The following WDR20 variants were observed in gnomAD, a reference collection of about 807,000 sequenced individuals.
WDR20 encodes WD repeat domain 20.
In WDR20, 3 loss-of-function variants were observed where a neutral mutation model predicts 38.7. That is an observed-to-expected ratio of 0.08 (90% CI 0.04 to 0.20). The LOEUF (loss-of-function observed/expected upper bound fraction) is 0.20. Ranked by LOEUF, WDR20 falls within the 10% of genes least tolerant of loss-of-function variation. The pLI, the probability that WDR20 is intolerant of heterozygous loss-of-function variation, is 1.00. For missense variants in WDR20, 559 were observed against 727.7 expected, an observed-to-expected ratio of 0.77 and a Z score of 2.67; for synonymous variants, 298 against 285.6, an observed-to-expected ratio of 1.04 and a Z score of -0.44.
downstream of WDR20, chr14:102,213,543 T>A: frequency 2.0e-6 from 2 of 985,398 alleles, no homozygotes; most frequent in Non-Finnish European, 2.4e-6. Flanking sequence ...CGTTCAGGAA[T>A]TCTGAGGAAG....
Position 102,209,461 on chromosome 14 carries a change from C to G in WDR20, c.1291C>G (p.Arg431Gly). ...GAACTCTGTGCCGCCTCCTCTGCCACGGTCCAACAGCCTTCCACATTCAGC... is the reference window on the plus strand; with the variant it reads ...GAACTCTGTGCCGCCTCCTCTGCCAGGGTCCAACAGCCTTCCACATTCAGC... ...PGNSVPPPLPRSNSLPHSAVS... is the reference protein window; with the variant it reads ...PGNSVPPPLPGSNSLPHSAVS... Residue 431 changes from arginine to glycine, a missense_variant, in exon 3 of 3, where the codon CGG becomes GGG. Coordinates refer to ENST00000342702, the MANE Select transcript of WDR20 (RefSeq NM_144574.4). The surrounding 1 kb of genome is among the most constrained non-coding windows in gnomAD (Gnocchi z 6.0). 1 of 1,614,194 alleles carries G rather than the reference C, an allele frequency of 6.2e-7. No individual in the cohort carries two copies. Among genetic ancestry groups the G allele is most frequent in the Non-Finnish European group, 8.5e-7 (1 of 1,180,048 alleles).
rs1221955694 is a variant in WDR20 at position 102,221,005 on chromosome 14, A to C, written c.1693-1825A>C. Among the ~76,000 whole-genome samples, 1 of 152,144 alleles carries C rather than the reference A, an allele frequency of 6.6e-6. No homozygotes were observed. Among genetic ancestry groups the C allele is most frequent in the Non-Finnish European group, 1.5e-5 (1 of 68,010 alleles). Reference sequence around the variant, plus strand: ...TGGTCTCAGACTCCTGGGCTCAAGTAATCTCCCCACCTCAGCCTCCCACAG... The same window carrying C: ...TGGTCTCAGACTCCTGGGCTCAAGTCATCTCCCCACCTCAGCCTCCCACAG... On this transcript the variant is annotated intron_variant, in intron 3 of 3. Transcript: ENST00000335263. This position sits in a 1 kb window ranked among gnomAD's most constrained non-coding sequence, Gnocchi z 4.8.
intron 1 of WDR20, among the ~76,000 whole-genome samples, chr14:102,154,195 C>A (rs2056840192): frequency 6.6e-6 from 1 of 152,168 alleles, no homozygotes; most frequent in Admixed American, 6.6e-5. Flanking sequence ...ATACTACTTA[C>A]TACTGGTTGT....
intron 1 of WDR20, among the ~76,000 whole-genome samples, chr14:102,155,085 A>G (rs1251647495): frequency 2.6e-5 from 4 of 152,168 alleles, no homozygotes; most frequent in Non-Finnish European, 4.4e-5. Flanking sequence ...GATTGCTCCA[A>G]CAGTGCATAT....
At chr14:102,224,329 T>G (rs1025998564), downstream of WDR20, among the ~76,000 whole-genome samples, 3 of 152,038 alleles carry the variant, frequency 2.0e-5, no homozygotes, top group Admixed American at 1.3e-4. Context: ...CGTGAGCCAC[T>G]GCGCCCGGCC....
At chr14:102,206,659 C>G (rs1489412778) in intron 2 of WDR20, among the ~76,000 whole-genome samples, 1 of 152,176 alleles carries the variant, frequency 6.6e-6, no homozygotes. Context: ...GCTTCCCAGG[C>G]CTGAGTTAGC....
intron 1 of WDR20, among the ~76,000 whole-genome samples, chr14:102,162,213 G>C (rs558068199): frequency 3.9e-5 from 6 of 152,318 alleles, no homozygotes; most frequent in Non-Finnish European, 7.3e-5. Flanking sequence ...GCTCATAGGA[G>C]AACCGGTACA....
At chr14:102,224,680 G>T, downstream of WDR20, 1 of 455,966 alleles carries the variant, frequency 2.2e-6, no homozygotes, top group Non-Finnish European at 4.4e-6. Context: ...CTCAGCCCTC[G>T]GTTTAGTTTT....
intron 1 of WDR20, among the ~76,000 whole-genome samples, chr14:102,179,211 A>G (rs1019894279): frequency 1.3e-5 from 2 of 152,002 alleles, no homozygotes; most frequent in Admixed American, 6.6e-5. Flanking sequence ...AAAAAAGACT[A>G]TTTTCTATTT....
intron 1 of WDR20, among the ~76,000 whole-genome samples, chr14:102,165,347 G>A (rs1327614858): frequency 6.6e-6 from 1 of 152,102 alleles, no homozygotes; most frequent in Non-Finnish European, 1.5e-5. Flanking sequence ...ATAAGAGTTT[G>A]TCAATTAAAA....
At chr14:102,189,031 G>A (rs2065623824) in intron 1 of WDR20, among the ~76,000 whole-genome samples, 1 of 151,884 alleles carries the variant, frequency 6.6e-6, no homozygotes, top group South Asian at 2.1e-4. Context: ...CAACATGGTT[G>A]AAACCCCGTC....
At chr14:102,155,459 T>A (rs1175879876) in intron 1 of WDR20, among the ~76,000 whole-genome samples, 3 of 152,098 alleles carry the variant, frequency 2.0e-5, no homozygotes, top group Non-Finnish European at 4.4e-5. Flanking sequence ...CAGAGAGAGA[T>A]TACTGGGAGA....
intron 1 of WDR20, among the ~76,000 whole-genome samples, chr14:102,175,085 G>A (rs1161589334): frequency 6.6e-6 from 1 of 151,954 alleles, no homozygotes; most frequent in Non-Finnish European, 1.5e-5. Flanking sequence ...ATTTATTTTT[G>A]TTGCATTTGC....
In WDR20 at chr14:102,146,003, TAAATGG is replaced by T. The variant is rs568461704; in HGVS notation, c.249+5839_249+5844del. Among the ~76,000 whole-genome samples, 665 of 151,902 alleles carry T rather than the reference TAAATGG, an allele frequency of 4.4e-3. 6 individuals are homozygous for T. The highest frequency in any genetic ancestry group is 0.015 in the African/African-American group (618 of 41,376). ...TGTACTCAGTTGTTTTTTTTTTTTT[TAAATGG>T]AAATGGATTCATCATTCTATTGGGG... On this transcript the variant is annotated intron_variant, in intron 1 of 2. Transcript: ENST00000342702.
exon 4 of WDR20, chr14:102,223,126 TC>T (rs1230851245): frequency 1.8e-5 from 7 of 391,864 alleles, no homozygotes; most frequent in African/African-American, 1.3e-4. Flanking sequence ...AATGGAGTTT[TC>T]TTGCTTTTTA....
At chr14:102,149,840 A>G (rs918279266) in intron 1 of WDR20, among the ~76,000 whole-genome samples, 4 of 152,096 alleles carry the variant, frequency 2.6e-5, no homozygotes, top group Non-Finnish European at 5.9e-5. Flanking sequence ...CTGCAGGCAC[A>G]TGCCACCACG....
intron 1 of WDR20, 103 bp from the exon 2 acceptor site, chr14:102,194,835 T>C (rs959915928): frequency 4.0e-6 from 5 of 1,264,312 alleles, no homozygotes; most frequent in African/African-American, 1.5e-5. Context: ...TAAATCACTT[T>C]GTTTTTAAGA....
downstream of WDR20, among the ~76,000 whole-genome samples, chr14:102,218,322 T>A (rs1259323057): frequency 6.6e-6 from 1 of 151,338 alleles, no homozygotes; most frequent in Non-Finnish European, 1.5e-5. Flanking sequence ...AGGTTCTGTC[T>A]TCTCTGACAC....
chr14:102,151,655 T>A (rs186222227), intron 1 of WDR20, among the ~76,000 whole-genome samples: 1 of 152,038 alleles, frequency 6.6e-6, no homozygotes, highest in Non-Finnish European at 1.5e-5. Flanking sequence ...TCCCAAAATG[T>A]TGGGATTATA....
Sources: allele counts gnomAD v4.1 joint callset (sites outside exome capture counted in the v4.1 genomes callset), GRCh38; gene constraint gnomAD v4.1.1; non-coding constraint Gnocchi (gnomAD v3.1); transcripts MANE v1.5; gene names NCBI Gene and HGNC (gene_info 2026-07-23, HGNC 2026-07-21).